Variants in GABRG1 observed in about 807,000 individuals in gnomAD.
GABRG1 encodes the protein gamma-aminobutyric acid type A receptor subunit gamma1, also known as gamma-aminobutyric acid receptor subunit gamma-1.
A neutral mutation model predicts 49.8 loss-of-function variants in GABRG1; 49 were observed. The ratio of observed to expected loss-of-function variants is 0.98; its 90% CI spans 0.78 to 1.25. The LOEUF is 1.25. Ranked by LOEUF, GABRG1 falls within the 50% of genes most tolerant of loss-of-function variation. GABRG1 has a pLI of 0.00. For synonymous variants in GABRG1, 232 were observed against 185.1 expected, an observed-to-expected ratio of 1.25 and a Z score of -2.06; for missense variants, 552 against 552.3, an observed-to-expected ratio of 1.00 and a Z score of 0.01.
intron 3 of GABRG1, 53 bp from the exon 4 acceptor site, chr4:46,065,637 T>A (rs1363598738): frequency 1.2e-6 from 1 of 854,418 alleles, no homozygotes; most frequent in East Asian, 2.7e-5. Flanking sequence ...TTTTAGTTGT[T>A]TTTCTCGAAA....
intron 1 of GABRG1, among the ~76,000 whole-genome samples, chr4:46,112,042 A>G (rs774824129): frequency 2.6e-5 from 4 of 151,380 alleles, no homozygotes; most frequent in African/African-American, 9.7e-5. Flanking sequence ...ACTGTCAAGG[A>G]GTAAACAGAT....
chr4:46,080,395 C>A (rs1719518719), intron 3 of GABRG1, among the ~76,000 whole-genome samples: 1 of 151,766 alleles, frequency 6.6e-6, no homozygotes, highest in Admixed American at 6.6e-5. Context: ...TCTACTTAAC[C>A]TATTTCTTAT....
At chr4:46,084,767 T>C (rs997424911) in intron 2 of GABRG1, among the ~76,000 whole-genome samples, 1 of 151,794 alleles carries the variant, frequency 6.6e-6, no homozygotes, top group African/African-American at 2.4e-5. Context: ...GAAAATGCAA[T>C]TCCATTTGCT....
intron 5 of GABRG1, among the ~76,000 whole-genome samples, chr4:46,060,116 C>A (rs1305163247): frequency 1.3e-5 from 2 of 152,042 alleles, no homozygotes. Flanking sequence ...TCTTTGAGGA[C>A]TTTTTGAACG....
intron 2 of GABRG1, among the ~76,000 whole-genome samples, chr4:46,093,613 A>G (rs909451315): frequency 1.3e-5 from 2 of 152,060 alleles, no homozygotes; most frequent in East Asian, 3.9e-4. Flanking sequence ...TGTTCATACC[A>G]AAAAGAAATG....
intron 3 of GABRG1, among the ~76,000 whole-genome samples, chr4:46,067,919 T>G (rs1250046550): frequency 6.6e-6 from 1 of 152,132 alleles, no homozygotes; most frequent in African/African-American, 2.4e-5. Flanking sequence ...TACCTATTCT[T>G]TGAACCTTGT....
Position 46,040,258 on chromosome 4 carries a change from G to T in GABRG1, c.*730C>A, listed in dbSNP as rs530711204. On this transcript the variant is annotated 3_prime_UTR_variant, in exon 9 of 9. Transcript: ENST00000295452. ...TATGAAGCAGAGAATAAAATGGTTAGATTTTACCTGATTTTTTCATCTTGC... is the reference window on the plus strand; with the variant it reads ...TATGAAGCAGAGAATAAAATGGTTATATTTTACCTGATTTTTTCATCTTGC... The T allele has an allele frequency of 2.0e-5, 3 of 152,030 alleles. No homozygotes were observed. The highest frequency in any genetic ancestry group is 4.4e-5 in the Non-Finnish European group (3 of 67,872). 9.4% of individuals were successfully genotyped at this position (152,030 alleles called of 1,614,324 possible). A position where few individuals can be genotyped will look rare whatever the true frequency, so the allele number is the denominator to read the frequency against.
intron 1 of GABRG1, among the ~76,000 whole-genome samples, chr4:46,105,983 T>C (rs983594109): frequency 2.0e-5 from 3 of 151,442 alleles, no homozygotes; most frequent in African/African-American, 7.3e-5. Flanking sequence ...CAGTAGCTCT[T>C]TACTCTCCTT....
At chr4:46,069,872 T>A (rs541262880) in intron 3 of GABRG1, among the ~76,000 whole-genome samples, 1 of 152,088 alleles carries the variant, frequency 6.6e-6, no homozygotes, top group Non-Finnish European at 1.5e-5. Context: ...AGATTATTTT[T>A]AGTTAGGGGA....
At chr4:46,097,733 G>T (rs534004356) in intron 1 of GABRG1, among the ~76,000 whole-genome samples, 1 of 151,290 alleles carries the variant, frequency 6.6e-6, no homozygotes, top group East Asian at 2.0e-4. Context: ...AAATTAAAAG[G>T]TAAAGAATTA....
intron 2 of GABRG1, among the ~76,000 whole-genome samples, chr4:46,092,334 T>G (rs1183658671): frequency 2.6e-5 from 4 of 151,684 alleles, no homozygotes; most frequent in Non-Finnish European, 5.9e-5. Flanking sequence ...AAAATGACAC[T>G]GTAGTTTATG....
intron 1 of GABRG1, among the ~76,000 whole-genome samples, chr4:46,121,592 C>T (rs1211996261): frequency 7.3e-6 from 1 of 136,338 alleles, no homozygotes; most frequent in Admixed American, 6.8e-5. Context: ...GTTTCTGTGT[C>T]AAACTTTTTC....
intron 7 of GABRG1, among the ~76,000 whole-genome samples, chr4:46,053,782 GC>G (rs1215399711): frequency 1.3e-5 from 2 of 151,842 alleles, no homozygotes; most frequent in Non-Finnish European, 2.9e-5. Context: ...GCAGAACTTT[GC>G]TTTCAGACAT....
intron 1 of GABRG1, among the ~76,000 whole-genome samples, chr4:46,112,934 A>C (rs992332966): frequency 6.6e-6 from 1 of 151,000 alleles, no homozygotes; most frequent in Non-Finnish European, 1.5e-5. Flanking sequence ...TTTAAAATAA[A>C]AGTTGAAAAA....
At chr4:46,067,329 A>C (rs1718954731) in intron 3 of GABRG1, among the ~76,000 whole-genome samples, 1 of 152,144 alleles carries the variant, frequency 6.6e-6, no homozygotes, top group Admixed American at 6.6e-5. Context: ...AATTATTTAA[A>C]ATCCAATAGG....
At chr4:46,118,411 T>C (rs1720999169) in intron 1 of GABRG1, among the ~76,000 whole-genome samples, 4 of 150,670 alleles carry the variant, frequency 2.7e-5, no homozygotes, top group African/African-American at 9.7e-5. Flanking sequence ...CCACTGTACC[T>C]CCTCCAGAAT....
At chr4:46,117,550 GTC>G (rs373546541) in intron 1 of GABRG1, among the ~76,000 whole-genome samples, 522 of 116,330 alleles carry the variant, frequency 4.5e-3, no homozygotes, top group Middle Eastern at 5.4e-3. Context: ...TGTTATCTCT[GTC>G]TCTCTCTCTC....
intron 2 of GABRG1, among the ~76,000 whole-genome samples, chr4:46,096,317 A>G (rs1720161562): frequency 6.6e-6 from 1 of 151,784 alleles, no homozygotes; most frequent in Admixed American, 6.6e-5. Flanking sequence ...ACAACTGAGA[A>G]TCCCGAGTAA....
Position 46,036,380 on chromosome 4 carries a change from A to G in GABRG1, c.*4608T>C, listed in dbSNP as rs1184749980. The G allele has an allele frequency of 2.6e-5, 4 of 151,840 alleles. No homozygotes were observed. Among genetic ancestry groups the G allele is most frequent in the African/African-American group, 9.7e-5 (4 of 41,386 alleles). The allele number at this position is 151,840 out of a possible 1,614,324, so 9.4% of individuals were successfully genotyped here. Reference sequence around the variant, plus strand: ...ATAGAAAACTCTTTTAGTGAGGAACATTTTTCAAAAAATAAGAATCTAGAC... The same window carrying G: ...ATAGAAAACTCTTTTAGTGAGGAACGTTTTTCAAAAAATAAGAATCTAGAC... On this transcript the variant is annotated 3_prime_UTR_variant, in exon 9 of 9. Transcript: ENST00000295452.
Sources: gnomAD v4.1 joint callset for allele counts (sites outside exome capture counted in the v4.1 genomes callset) on GRCh38, gnomAD v4.1.1 for gene constraint, MANE v1.5 for transcripts, NCBI Gene and HGNC (gene_info 2026-07-23, HGNC 2026-07-21) for gene names.